Variants in CHD1 observed in about 807,000 individuals in gnomAD.
CHD1 encodes the protein ATP-dependent chromatin remodeler CHD1.
A neutral mutation model predicts 224.2 loss-of-function variants in CHD1; 36 were observed. The observed-to-expected ratio is 0.16, with a 90% confidence interval of 0.12 to 0.21. The LOEUF (loss-of-function observed/expected upper bound fraction) is 0.21, where lower values mean the gene tolerates loss of function less well. Among genes scored for constraint, CHD1 ranks in the 10% least tolerant of loss-of-function variants. The pLI is 1.00. For missense variants in CHD1, 1,378 were observed against 1,994.8 expected, an observed-to-expected ratio of 0.69 and a Z score of 5.89; for synonymous variants, 668 against 658.3, an observed-to-expected ratio of 1.01 and a Z score of -0.23.
At position 98,900,884 on chromosome 5, in the gene CHD1, A is replaced by G; in HGVS notation, c.786T>C (p.Asp262=). The change falls in exon 7 of 36, where the codon GAT becomes GAC. Residue 262 remains aspartate, a synonymous_variant. Transcript: ENST00000614616. ...SDDLLEVCGE[D]VPQPEEEEFE... The stretch of plus-strand genomic sequence containing the variant: ...ATTCCTCTTCCTCAGGTTGAGGAAC[A>G]TCCTCTCCACAGACTTCCAGTAGGT... The G allele has an allele frequency of 1.2e-6, 2 of 1,613,854 alleles. No homozygotes were observed. Among genetic ancestry groups the G allele is most frequent in the Non-Finnish European group, 1.7e-6 (2 of 1,179,714 alleles).
At chr5:98,917,451 ATC>A (rs1371621389) in intron 2 of CHD1, among the ~76,000 whole-genome samples, 2 of 152,130 alleles carry the variant, frequency 1.3e-5, no homozygotes, top group Non-Finnish European at 2.9e-5. Flanking sequence ...GAAGACTTTT[ATC>A]TCTTTCTTGA....
At chr5:98,872,011 T>C in intron 28 of CHD1, 40 bp downstream of exon 28, 1 of 1,491,590 alleles carries the variant, frequency 6.7e-7, no homozygotes, top group Non-Finnish European at 9.0e-7. Flanking sequence ...TAAATTAAAT[T>C]CAACATGAAT....
intron 2 of CHD1, among the ~76,000 whole-genome samples, chr5:98,913,157 C>A (rs1364250747): frequency 1.3e-5 from 2 of 152,128 alleles, no homozygotes; most frequent in African/African-American, 2.4e-5. Context: ...ATAGCTACTG[C>A]TTAAGTGTCA....
intron 29 of CHD1, 86 bp downstream of exon 29, chr5:98,870,601 G>T: frequency 1.6e-6 from 1 of 619,476 alleles, no homozygotes; most frequent in South Asian, 2.8e-5. Context: ...AGCTCATATT[G>T]ACTTCAGATG....
Position 98,871,064 on chromosome 5 carries a change from T to C in CHD1, c.3862-261A>G, listed in dbSNP as rs181256136. ...AATGAAAATAGAAAGCATAAGGTTG[T>C]AAATTTCCTTCAAATATACAAAAGT... On this transcript the variant is annotated intron_variant, in intron 28 of 35. Coordinates refer to ENST00000614616, the MANE Select transcript of CHD1 (RefSeq NM_001270.4). 2.6e-3 allele frequency among the ~76,000 whole-genome samples: 391 copies of C among 152,226 alleles called. 1 individual carries two copies. The highest frequency in any genetic ancestry group is 3.8e-3 in the Non-Finnish European group (258 of 67,992).
At chr5:98,876,681 T>C (rs1039173526) in intron 23 of CHD1, 123 bp from the exon 24 acceptor site, 1 of 780,524 alleles carries the variant, frequency 1.3e-6, no homozygotes, top group Non-Finnish European at 2.0e-6. Context: ...AAACATTCCA[T>C]AAACAAAATT....
At chr5:98,874,932 T>C (rs1749638087) in intron 25 of CHD1, 140 bp downstream of exon 25, 2 of 566,312 alleles carry the variant, frequency 3.5e-6, no homozygotes, top group Non-Finnish European at 6.4e-6. Context: ...CAATCTGAAA[T>C]TTCCCTTGTA....
intron 2 of CHD1, among the ~76,000 whole-genome samples, chr5:98,914,821 T>G (rs540428775): frequency 6.6e-6 from 1 of 152,334 alleles, no homozygotes; most frequent in South Asian, 2.1e-4. Flanking sequence ...TAGCTCATGT[T>G]CCCACAATAC....
chr5:98,900,628 A>G (rs1188427064), intron 7 of CHD1, among the ~76,000 whole-genome samples, 183 bp downstream of exon 7: 2 of 151,868 alleles, frequency 1.3e-5, no homozygotes, highest in African/African-American at 4.8e-5. Flanking sequence ...TTTAGTAGAG[A>G]TGGGGTTTTG....
chr5:98,928,773 G>A lies in CHD1; in HGVS notation c.-383C>T, dbSNP rs1434688831. 6.4e-6 allele frequency: 1 copy of A among 155,470 alleles called. No individual in the cohort carries two copies. Among genetic ancestry groups the A allele is most frequent in the African/African-American group, 2.4e-5 (1 of 41,440 alleles). The allele number at this position is 155,470 out of a possible 1,614,324, so 9.6% of individuals were successfully genotyped here. A position where few individuals can be genotyped will look rare whatever the true frequency, so the allele number is the denominator to read the frequency against. On this transcript the variant is annotated 5_prime_UTR_variant, in exon 1 of 36. Coordinates refer to ENST00000614616, the MANE Select transcript of CHD1 (RefSeq NM_001270.4). ...ACAATTCATTATTGAAGCACCAAGG[G>A]CGAGGGCAGCAAGAGCTATAAGTAA...
At chr5:98,924,139 G>C (rs1753291055) in intron 2 of CHD1, among the ~76,000 whole-genome samples, 1 of 152,102 alleles carries the variant, frequency 6.6e-6, no homozygotes, top group South Asian at 2.1e-4. Context: ...ACGCCTTTCA[G>C]GATGCTGAGG....
chr5:98,880,506 CAGAGA>C (rs1750097383), intron 22 of CHD1, among the ~76,000 whole-genome samples: 1 of 152,168 alleles, frequency 6.6e-6, no homozygotes, highest in Non-Finnish European at 1.5e-5. Context: ...AACCACAGTT[CAGAGA>C]AAACAGCTAA....
intron 35 of CHD1, among the ~76,000 whole-genome samples, chr5:98,857,930 T>TAATC (rs1748164861): frequency 6.6e-6 from 1 of 152,122 alleles, no homozygotes; most frequent in South Asian, 2.1e-4. Context: ...ACGCAATTTA[T>TAATC]AATCATACAA....
At chr5:98,916,737 A>G (rs917918485) in intron 2 of CHD1, among the ~76,000 whole-genome samples, 1 of 152,088 alleles carries the variant, frequency 6.6e-6, no homozygotes, top group African/African-American at 2.4e-5. Flanking sequence ...AACTGCCTTT[A>G]TTGTGAGTCA....
intron 2 of CHD1, among the ~76,000 whole-genome samples, chr5:98,909,579 T>A (rs1752260317): frequency 6.6e-6 from 1 of 152,140 alleles, no homozygotes; most frequent in African/African-American, 2.4e-5. Flanking sequence ...AATGGTGACA[T>A]CATTCATCAG....
chr5:98,912,786 C>T (rs1054740077), intron 2 of CHD1, among the ~76,000 whole-genome samples: 1 of 152,146 alleles, frequency 6.6e-6, no homozygotes. Flanking sequence ...AAACATTATA[C>T]GTAAATTAGA....
chr5:98,900,326 T>TAAG (rs1751618067), intron 7 of CHD1, among the ~76,000 whole-genome samples: 1 of 151,020 alleles, frequency 6.6e-6, no homozygotes, highest in Admixed American at 6.6e-5. Flanking sequence ...AGGTGGTTAT[T>TAAG]AAGAAGGTAC....
Position 98,899,614 on chromosome 5 carries a change from C to T in CHD1, c.951G>A (p.Gln317=). 4 of 1,613,836 alleles carry T rather than the reference C, an allele frequency of 2.5e-6. No homozygotes were observed. The highest frequency in any genetic ancestry group is 3.4e-6 in the Non-Finnish European group (4 of 1,179,866). Residue 317 remains glutamine (Q), a synonymous_variant, in exon 8 of 36, where the codon CAG becomes CAA. Transcript: ENST00000614616. ...ACCATCCTTTCCATTTAATTAAATA[C>T]TGAATCTCTCCTGGTTCTTTGTTTT... ...FEKNKEPGEI[Q]YLIKWKGWSH... is the part of the protein sequence containing the mutation.
chr5:98,891,553 G>A (rs1751020010), intron 15 of CHD1, among the ~76,000 whole-genome samples: 2 of 151,692 alleles, frequency 1.3e-5, no homozygotes, highest in Admixed American at 6.6e-5. Flanking sequence ...GCTCATACCT[G>A]TAATCCCAGC....
Sources: gnomAD v4.1 joint callset for allele counts (sites outside exome capture counted in the v4.1 genomes callset) on GRCh38, gnomAD v4.1.1 for gene constraint, MANE v1.5 for transcripts, NCBI Gene and HGNC (gene_info 2026-07-23, HGNC 2026-07-21) for gene names.